Variants in SSH2 observed in about 807,000 individuals in gnomAD.
The protein encoded by SSH2 is protein phosphatase Slingshot homolog 2.
Under a neutral mutation model 135.2 loss-of-function variants are expected in SSH2, and 37 were observed. That is an observed-to-expected ratio of 0.27 (90% CI 0.21 to 0.36). The LOEUF (loss-of-function observed/expected upper bound fraction) is 0.36, where lower values mean the gene tolerates loss of function less well. Ranked by LOEUF, SSH2 falls within the 10% of genes least tolerant of loss-of-function variation. The pLI, the probability that SSH2 is intolerant of heterozygous loss-of-function variation, is 1.00. For missense variants in SSH2, 1,408 were observed against 1,765.3 expected, an observed-to-expected ratio of 0.80 and a Z score of 3.63; for synonymous variants, 628 against 646.2, an observed-to-expected ratio of 0.97 and a Z score of 0.43.
intron 8 of SSH2, among the ~76,000 whole-genome samples, chr17:29,672,594 G>C (rs556994256): frequency 2.0e-5 from 3 of 152,164 alleles, no homozygotes; most frequent in Non-Finnish European, 4.4e-5. Context: ...TAAGCCTTGA[G>C]GACATGTCCT....
At chr17:29,795,955 C>A (rs1310487325) in intron 2 of SSH2, among the ~76,000 whole-genome samples, 1 of 152,220 alleles carries the variant, frequency 6.6e-6, no homozygotes, top group Non-Finnish European at 1.5e-5. Flanking sequence ...ACTGGCCAGG[C>A]TGGTCTCAAA....
At chr17:29,884,446 A>G (rs537544548) in intron 1 of SSH2, among the ~76,000 whole-genome samples, 2 of 152,212 alleles carry the variant, frequency 1.3e-5, no homozygotes, top group South Asian at 4.2e-4. Context: ...ATCTATCTCC[A>G]TGGGCATTCC....
chr17:29,922,214 A>T (rs1436379866), intron 1 of SSH2, among the ~76,000 whole-genome samples: 2 of 152,236 alleles, frequency 1.3e-5, no homozygotes, highest in Non-Finnish European at 2.9e-5. Context: ...TGTGCAAGGC[A>T]GGGACTTGGG....
chr17:29,809,956 ACT>A (rs2042413221), intron 2 of SSH2, among the ~76,000 whole-genome samples: 1 of 151,150 alleles, frequency 6.6e-6, no homozygotes. Flanking sequence ...ATACAACCAT[ACT>A]CCCTCTACAG....
At chr17:29,834,145 A>G (rs1391134126) in intron 2 of SSH2, among the ~76,000 whole-genome samples, 3 of 151,922 alleles carry the variant, frequency 2.0e-5, no homozygotes, top group African/African-American at 7.3e-5. Flanking sequence ...AAATATCAGA[A>G]ACACAATAGA....
intron 11 of SSH2, 100 bp from the exon 12 acceptor site, chr17:29,655,707 T>C: frequency 1.9e-6 from 2 of 1,065,300 alleles, no homozygotes; most frequent in South Asian, 1.3e-5. Context: ...AGAAGACTAA[T>C]AACATCTACC....
intron 12 of SSH2, 54 bp from the exon 13 acceptor site, chr17:29,650,854 T>G: frequency 2.1e-6 from 3 of 1,416,666 alleles, no homozygotes; most frequent in Non-Finnish European, 2.8e-6. Context: ...TAAATCCAAT[T>G]CCCAGCACTG....
At chr17:29,918,232 A>ACCTT (rs2151482760) in intron 1 of SSH2, among the ~76,000 whole-genome samples, 1 of 152,296 alleles carries the variant, frequency 6.6e-6, no homozygotes, top group Admixed American at 6.5e-5. Flanking sequence ...GACACTGAGA[A>ACCTT]GGTAACACCT....
intron 3 of SSH2, among the ~76,000 whole-genome samples, chr17:29,713,507 A>C (rs1392697028): frequency 6.6e-6 from 1 of 152,092 alleles, no homozygotes; most frequent in Non-Finnish European, 1.5e-5. Flanking sequence ...ATTACTACCA[A>C]ATCATGAAAG....
chr17:29,638,111 C>G (rs1345072579), intron 14 of SSH2, among the ~76,000 whole-genome samples: 2 of 152,012 alleles, frequency 1.3e-5, no homozygotes, highest in Non-Finnish European at 2.9e-5. Flanking sequence ...GAGACTCCAT[C>G]TCAAATAAAC....
rs559880500 is a variant in SSH2, at chr17:29,812,589, A to G, written c.145-18652T>C. On this transcript the variant is annotated intron_variant, in intron 2 of 15. Transcript: ENST00000540801. ...GTCAGCCACTACGCCCAGCCTATTT[A>G]TGCATTTTAAAACCATGCCAGCCGG... Among the ~76,000 whole-genome samples, 5 of 152,208 alleles carry G rather than the reference A, an allele frequency of 3.3e-5. No homozygotes were observed. In the South Asian group the frequency reaches 1.0e-3, roughly 32 times the overall value.
In SSH2 at chr17:29,636,582, T is replaced by C; in HGVS notation, c.1648A>G (p.Thr550Ala). Residue 550 changes from threonine to alanine, a missense_variant, in exon 15 of 16, where the codon ACC becomes GCC. This residue lies in a region of SSH2 where 1,080 missense variants were observed against 1,144.5 expected (regional missense o/e 0.94). Coordinates refer to ENST00000540801, the MANE Select transcript of SSH2 (RefSeq NM_001282129.2). ...PQDANQKGLCTKERMICLEFT... is the reference protein window; with the variant it reads ...PQDANQKGLCAKERMICLEFT... ...TCCAAGCAGATCATTCTTTCTTTGGTACACAGGCCTTTCTGATTTGCATCT... is the reference window on the plus strand; with the variant it reads ...TCCAAGCAGATCATTCTTTCTTTGGCACACAGGCCTTTCTGATTTGCATCT... The C allele has an allele frequency of 6.2e-6, 10 of 1,614,192 alleles. No individual in the cohort carries two copies. Among genetic ancestry groups the C allele is most frequent in the East Asian group, 2.2e-5 (1 of 44,880 alleles).
At chr17:29,750,926 G>A (rs1219973304) in intron 3 of SSH2, among the ~76,000 whole-genome samples, 2 of 150,236 alleles carry the variant, frequency 1.3e-5, no homozygotes, top group Non-Finnish European at 3.0e-5. Context: ...AAACACACAC[G>A]CTAGCTTAGG....
Position 29,703,040 on chromosome 17 carries a change from C to T in SSH2, c.211G>A (p.Val71Ile). The T allele has an allele frequency of 1.2e-6, 2 of 1,613,528 alleles. No individual in the cohort carries two copies. Among genetic ancestry groups the T allele is most frequent in the Non-Finnish European group, 1.7e-6 (2 of 1,179,552 alleles). The change falls in exon 4 of 16, where the codon GTC becomes ATC. Residue 71 changes from valine (V) to isoleucine (I), a missense_variant. Physicochemically the swap from Val to Ile is conservative, Grantham distance 29 (BLOSUM62 3). This residue lies in a region of SSH2 where 222 missense variants were observed against 355.6 expected (regional missense o/e 0.62). Transcript: ENST00000540801. ...PRSISESFLT[V>I]KGAALFLPRG... ...GGTAGAAAAAGGGCAGCACCTTTGA[C>T]AGTTAGAAAGCTCTCGCTGATGCTA...
At chr17:29,927,772 G>A (rs575901826) in intron 1 of SSH2, among the ~76,000 whole-genome samples, 1 of 152,288 alleles carries the variant, frequency 6.6e-6, no homozygotes, top group South Asian at 2.1e-4. Flanking sequence ...TACTAATGAT[G>A]CTGATTGTTA....
intron 2 of SSH2, chr17:29,838,833 C>A: frequency 1.1e-5 from 2 of 179,758 alleles, no homozygotes; most frequent in South Asian, 2.7e-4. Context: ...ATACCTCACT[C>A]TTCCTGGACA....
chr17:29,664,546 T>G (rs563786908), intron 11 of SSH2, among the ~76,000 whole-genome samples: 150 of 152,106 alleles, frequency 9.9e-4, no homozygotes, highest in Non-Finnish European at 1.8e-3. Flanking sequence ...CAGGGTGGAG[T>G]GCAGTGGCAT....
intron 3 of SSH2, chr17:29,780,336 A>G (rs2151287187): frequency 6.6e-6 from 1 of 152,314 alleles, no homozygotes; most frequent in Middle Eastern, 3.4e-3. Flanking sequence ...TATTTCTTAA[A>G]GAAGAGTGAG....
intron 3 of SSH2, among the ~76,000 whole-genome samples, chr17:29,709,052 A>AGAGAGAGCGCGC (rs1491229455): frequency 4.1e-5 from 6 of 144,654 alleles, no homozygotes; most frequent in African/African-American, 1.5e-4. Context: ...AGAGAGAGAG[A>AGAGAGAGCGCGC]GCTAATAATA....
Sources: gnomAD v4.1 joint callset for allele counts (sites outside exome capture counted in the v4.1 genomes callset) on GRCh38, gnomAD v4.1.1 for gene constraint, gnomAD v4.1.1 regional missense constraint, MANE v1.5 for transcripts, NCBI Gene and HGNC (gene_info 2026-07-23, HGNC 2026-07-21) for gene names.